Variants in HDAC9 observed in about 807,000 individuals in gnomAD.
HDAC9 encodes MEF-2 interacting transcription repressor (MITR) protein.
Under a neutral mutation model 139.4 loss-of-function variants are expected in HDAC9, and 41 were observed. That is an observed-to-expected ratio of 0.29 (90% CI 0.23 to 0.38). The LOEUF (loss-of-function observed/expected upper bound fraction) is 0.38. Among genes scored for constraint, HDAC9 ranks in the 10% least tolerant of loss-of-function variants. The probability of loss-of-function intolerance (pLI) is 1.00; values close to 1 mark genes in which losing one functional copy is unlikely to be tolerated. For synonymous variants in HDAC9, 517 were observed against 476.2 expected (o/e 1.09, Z -1.12); for missense variants, 1,147 against 1,297.0 (o/e 0.88, Z 1.78).
intron 23 of HDAC9, among the ~76,000 whole-genome samples, chr7:18,951,358 A>T (rs1340122685): frequency 1.3e-5 from 2 of 151,986 alleles, no homozygotes; most frequent in African/African-American, 4.8e-5. Context: ...AATCTGTGTA[A>T]AGAATTGCTA....
chr7:18,816,216 G>T (rs1235741806), intron 17 of HDAC9, among the ~76,000 whole-genome samples: 2 of 152,152 alleles, frequency 1.3e-5, no homozygotes, highest in African/African-American at 4.8e-5. Flanking sequence ...ACAATCTTTA[G>T]TAGACATATG....
chr7:18,097,165 C>G lies in HDAC9; in HGVS notation c.-97+9952C>G, dbSNP rs149836023. 3.5e-4 allele frequency among the ~76,000 whole-genome samples: 53 copies of G among 152,280 alleles called. 1 individual carries two copies. The East Asian group carries it at 0.01, about 29-fold the overall frequency. The stretch of plus-strand genomic sequence containing the variant: ...ACATGGCTAGTGGGCAGCACAGACC[C>G]AAATGATAAAATGTACTTTCTCAAA... On this transcript the variant is annotated intron_variant, in intron 1 of 12. Coordinates refer to the HDAC9 transcript ENST00000417496.
Position 18,414,216 on chromosome 7 carries a change from T to C in HDAC9, c.-41-82046T>C, listed in dbSNP as rs148932875. Among the ~76,000 whole-genome samples the C allele has an allele frequency of 6.0e-3, 913 of 152,318 alleles. 10 individuals are homozygous for C. The highest frequency in any genetic ancestry group is 0.021 in the African/African-American group (866 of 41,582). On this transcript the variant is annotated intron_variant, in intron 1 of 3. Transcript: ENST00000413509. Reference sequence around the variant, plus strand: ...GAGATAAGCAGAACTTTCAGATTTTTTTTTCATTTTGTTAAAGGAAATATC... The same window carrying C: ...GAGATAAGCAGAACTTTCAGATTTTCTTTTCATTTTGTTAAAGGAAATATC...
At chr7:18,197,185 T>A (rs1430162657) in intron 2 of HDAC9, among the ~76,000 whole-genome samples, 2 of 152,138 alleles carry the variant, frequency 1.3e-5, no homozygotes, top group African/African-American at 4.8e-5. Context: ...CTCTGCAGCT[T>A]TTGGACTTGC....
intron 1 of HDAC9, among the ~76,000 whole-genome samples, chr7:18,427,562 AT>A (rs914460236): frequency 2.0e-5 from 3 of 151,932 alleles, no homozygotes; most frequent in Admixed American, 2.0e-4. Flanking sequence ...CACCTCTACC[AT>A]AATCCTGCTG....
intron 1 of HDAC9, among the ~76,000 whole-genome samples, chr7:18,128,708 A>G (rs920050313): frequency 3.3e-5 from 5 of 151,618 alleles, no homozygotes; most frequent in Non-Finnish European, 5.9e-5. Context: ...ATTGAATGGC[A>G]TGTTTTACCT....
chr7:18,269,591 G>A (rs899666231), intron 2 of HDAC9, among the ~76,000 whole-genome samples: 1 of 152,078 alleles, frequency 6.6e-6, no homozygotes, highest in African/African-American at 2.4e-5. Context: ...GCATGGTGGT[G>A]TGTGCCTATA....
chr7:18,153,125 G>C (rs1246013607), intron 1 of HDAC9, among the ~76,000 whole-genome samples: 4 of 152,142 alleles, frequency 2.6e-5, no homozygotes, highest in Non-Finnish European at 4.4e-5. Flanking sequence ...CTTTGGAAAG[G>C]GGCCAAATAA....
chr7:18,949,003 A>G, intron 23 of HDAC9: 1 of 401,054 alleles, frequency 2.5e-6, no homozygotes, highest in Non-Finnish European at 4.8e-6. Context: ...ATTTGGGAAG[A>G]GAACCACCTT....
chr7:18,450,213 G>A (rs1327725302), intron 1 of HDAC9, among the ~76,000 whole-genome samples: 1 of 152,166 alleles, frequency 6.6e-6, no homozygotes, highest in African/African-American at 2.4e-5. Flanking sequence ...AATAAGCAAA[G>A]TCAGCAAGAT....
chr7:18,605,857 T>G (rs1449169784), intron 6 of HDAC9, among the ~76,000 whole-genome samples: 1 of 152,072 alleles, frequency 6.6e-6, no homozygotes, highest in Non-Finnish European at 1.5e-5. Context: ...ATTTTTTGTA[T>G]TTTCAGTAGA....
At chr7:18,311,321 AT>A (rs1360777378) in intron 1 of HDAC9, among the ~76,000 whole-genome samples, 1 of 152,124 alleles carries the variant, frequency 6.6e-6, no homozygotes, top group Non-Finnish European at 1.5e-5. Context: ...TCCTTTATGT[AT>A]ATATTGTATA....
intron 1 of HDAC9, among the ~76,000 whole-genome samples, chr7:18,121,720 G>A (rs1475313590): frequency 6.6e-6 from 1 of 152,122 alleles, no homozygotes; most frequent in Non-Finnish European, 1.5e-5. Flanking sequence ...CAAAGCATCA[G>A]GAACACTGAG....
intron 1 of HDAC9, among the ~76,000 whole-genome samples, chr7:18,422,490 C>A (rs572835167): frequency 1.3e-5 from 2 of 152,064 alleles, no homozygotes; most frequent in African/African-American, 4.8e-5. Context: ...TAATCTATTC[C>A]ACTTTGCCCA....
intron 6 of HDAC9, among the ~76,000 whole-genome samples, chr7:18,618,238 G>C (rs557541121): frequency 6.6e-6 from 1 of 152,080 alleles, no homozygotes; most frequent in Non-Finnish European, 1.5e-5. Context: ...TTAAGGTCAG[G>C]AATGGCTGTT....
intron 1 of HDAC9, among the ~76,000 whole-genome samples, chr7:18,139,576 T>C (rs1584278663): frequency 6.6e-6 from 1 of 152,228 alleles, no homozygotes; most frequent in Admixed American, 6.5e-5. Context: ...TTGTAATATG[T>C]TGGACTGTAT....
At chr7:18,782,247 A>C (rs1179311880) in intron 16 of HDAC9, among the ~76,000 whole-genome samples, 1 of 152,094 alleles carries the variant, frequency 6.6e-6, no homozygotes, top group Non-Finnish European at 1.5e-5. Flanking sequence ...TACCACATTA[A>C]ACATGCACAG....
intron 2 of HDAC9, among the ~76,000 whole-genome samples, chr7:18,554,298 C>G (rs144961656): frequency 1.2e-3 from 176 of 144,610 alleles, no homozygotes; most frequent in Middle Eastern, 0.011. Context: ...TTAGTTGCCT[C>G]TGTGTACACC....
chr7:18,233,020 C>G (rs1033834849), intron 2 of HDAC9, among the ~76,000 whole-genome samples: 2 of 152,048 alleles, frequency 1.3e-5, no homozygotes, highest in Non-Finnish European at 2.9e-5. Context: ...GCAATTTTGT[C>G]TATAAGTATA....
Sources: gnomAD v4.1 joint callset for allele counts (sites outside exome capture counted in the v4.1 genomes callset) on GRCh38, gnomAD v4.1.1 for gene constraint, MANE v1.5 for transcripts, NCBI Gene and HGNC (gene_info 2026-07-23, HGNC 2026-07-21) for gene names.